The following ANKRD30BL variants were observed in gnomAD, a reference collection of about 807,000 sequenced individuals.
ANKRD30BL encodes ankyrin repeat domain 30B like, also known as putative ankyrin repeat domain-containing protein 30B-like.
In ANKRD30BL, 20 loss-of-function variants were observed where a neutral mutation model predicts 18.4. That is an observed-to-expected ratio of 1.09 (90% CI 0.77 to 1.58). ANKRD30BL has a LOEUF of 1.58. Among genes scored for constraint, ANKRD30BL ranks in the 40% most tolerant of loss-of-function variants. ANKRD30BL has a pLI of 0.00. For synonymous variants in ANKRD30BL, 72 were observed against 100.9 expected, an observed-to-expected ratio of 0.71 and a Z score of 1.72; for missense variants, 224 against 268.6, an observed-to-expected ratio of 0.83 and a Z score of 1.16.
Position 132,195,863 on chromosome 2 carries a change from C to T in ANKRD30BL, n.442-38717G>A, listed in dbSNP as rs563674493. 2.1e-3 allele frequency among the ~76,000 whole-genome samples: 316 copies of T among 150,146 alleles called. 1 individual carries two copies. The highest frequency in any genetic ancestry group is 7.2e-3 in the African/African-American group (295 of 41,018). ...AAGACTTAAAAATAAAAACAGACGT[C>T]GAGTGTGGTGGCTCACTCCTGTAAT... On this transcript the variant is annotated intron_variant and non_coding_transcript_variant, in intron 1 of 4. Coordinates refer to the ANKRD30BL transcript ENST00000470729.
At chr2:132,209,112 C>A (rs376677837) in intron 1 of ANKRD30BL, among the ~76,000 whole-genome samples, 1 of 152,022 alleles carries the variant, frequency 6.6e-6, no homozygotes, top group South Asian at 2.1e-4. Flanking sequence ...TTGAAACACT[C>A]TTTTTGTAGA....
At chr2:132,221,197 G>T (rs573932568) in intron 1 of ANKRD30BL, among the ~76,000 whole-genome samples, 12 of 145,684 alleles carry the variant, frequency 8.2e-5, no homozygotes, top group Non-Finnish European at 1.6e-4. Flanking sequence ...AGGTGGGGGG[G>T]GGTCAGCCCC....
intron 1 of ANKRD30BL, among the ~76,000 whole-genome samples, chr2:132,234,622 C>G (rs1300090895): frequency 1.3e-5 from 2 of 152,096 alleles, no homozygotes; most frequent in Non-Finnish European, 2.9e-5. Flanking sequence ...ATACACTCTC[C>G]CAAGACTAAA....
chr2:132,238,821 A>G (rs1573878377), intron 1 of ANKRD30BL, among the ~76,000 whole-genome samples: 1 of 152,134 alleles, frequency 6.6e-6, no homozygotes, highest in Non-Finnish European at 1.5e-5. Context: ...GCATTCTCAG[A>G]AATTTCTTTG....
At chr2:132,221,516 T>G (rs1438670656) in intron 1 of ANKRD30BL, among the ~76,000 whole-genome samples, 1 of 100,350 alleles carries the variant, frequency 1.0e-5, no homozygotes, top group East Asian at 3.5e-4. Flanking sequence ...CCCCTCTGCC[T>G]GGCCAGCCAC....
chr2:132,195,651 C>T (rs1678948171), intron 1 of ANKRD30BL, among the ~76,000 whole-genome samples: 2 of 151,310 alleles, frequency 1.3e-5, no homozygotes, highest in African/African-American at 4.9e-5. Flanking sequence ...ATTAGCAGGG[C>T]ACGGTGGTGG....
intron 1 of ANKRD30BL, among the ~76,000 whole-genome samples, chr2:132,250,411 C>T (rs1680619846): frequency 6.6e-6 from 1 of 152,182 alleles, no homozygotes; most frequent in Non-Finnish European, 1.5e-5. Flanking sequence ...CCAAAGTGCT[C>T]ATAATTAGTT....
chr2:132,181,334 C>CGTG (rs1688457238), intron 1 of ANKRD30BL, among the ~76,000 whole-genome samples: 1 of 151,452 alleles, frequency 6.6e-6, no homozygotes, highest in Non-Finnish European at 1.5e-5. Context: ...ATTGGCTGGG[C>CGTG]GTGGTGGTGG....
intron 1 of ANKRD30BL, among the ~76,000 whole-genome samples, chr2:132,247,325 A>C (rs552931631): frequency 6.6e-6 from 1 of 152,040 alleles, no homozygotes; most frequent in East Asian, 1.9e-4. Context: ...ATATCTTCAC[A>C]TAAAAACTAG....
Position 132,157,294 on chromosome 2 carries a change from C to T in ANKRD30BL, c.333+15G>A. 1 of 794,506 alleles carries T rather than the reference C, an allele frequency of 1.3e-6. No individual in the cohort carries two copies. Among genetic ancestry groups the T allele is most frequent in the Non-Finnish European group, 2.2e-6 (1 of 462,982 alleles). The allele number at this position is 794,506 out of a possible 1,614,324, so 49.2% of individuals were successfully genotyped here. A position where few individuals can be genotyped will look rare whatever the true frequency, so the allele number is the denominator to read the frequency against. ...CCAAATCCATCTCCTGCTGAAAGAACTGGCTACCATTTACCTTCATCAGAA... is the reference window on the plus strand; with the variant it reads ...CCAAATCCATCTCCTGCTGAAAGAATTGGCTACCATTTACCTTCATCAGAA... On this transcript the variant is annotated intron_variant, in intron 2 of 5. Transcript: ENST00000409867.
At chr2:132,152,550 AG>A (rs1395911457) in intron 4 of ANKRD30BL, 1 of 152,168 alleles carries the variant, frequency 6.6e-6, no homozygotes, top group Non-Finnish European at 1.5e-5. Context: ...GAATCACTTG[AG>A]GGGACAACCA....
chr2:132,224,964 T>C (rs1025680994), intron 1 of ANKRD30BL, among the ~76,000 whole-genome samples: 2 of 152,036 alleles, frequency 1.3e-5, no homozygotes, highest in African/African-American at 4.8e-5. Flanking sequence ...AGGCCTATGG[T>C]GGAAAAGGAA....
At chr2:132,250,157 C>T (rs62164971) in intron 1 of ANKRD30BL, among the ~76,000 whole-genome samples, 2 of 150,960 alleles carry the variant, frequency 1.3e-5, no homozygotes, top group African/African-American at 4.9e-5. Flanking sequence ...TTATGTGAAG[C>T]TATTTCCTTT....
At chr2:132,217,474 T>C (rs917770337) in intron 1 of ANKRD30BL, among the ~76,000 whole-genome samples, 3 of 152,092 alleles carry the variant, frequency 2.0e-5, no homozygotes, top group Admixed American at 6.6e-5. Context: ...AGAAACTTCT[T>C]TGTGATGTTC....
chr2:132,169,633 G>A (rs898289120), intron 1 of ANKRD30BL, among the ~76,000 whole-genome samples: 1 of 124,570 alleles, frequency 8.0e-6, no homozygotes, highest in Non-Finnish European at 1.6e-5. Context: ...GTGACACAGG[G>A]ATACTCTGTC....
chr2:132,241,216 G>C (rs1268476302), intron 1 of ANKRD30BL, among the ~76,000 whole-genome samples: 1 of 151,802 alleles, frequency 6.6e-6, no homozygotes, highest in Admixed American at 6.6e-5. Flanking sequence ...AAACTTCTTT[G>C]TGATGTGTGT....
At chr2:132,164,873 C>T (rs1688157539), upstream of ANKRD30BL, among the ~76,000 whole-genome samples, 1 of 151,926 alleles carries the variant, frequency 6.6e-6, no homozygotes, top group African/African-American at 2.4e-5. Context: ...AGATGGGGAC[C>T]ATCCTGGCTA....
At chr2:132,184,003 C>A (rs1392395123) in intron 1 of ANKRD30BL, among the ~76,000 whole-genome samples, 2 of 151,956 alleles carry the variant, frequency 1.3e-5, no homozygotes, top group Non-Finnish European at 2.9e-5. Context: ...ATAGGCCAAG[C>A]CCAACTAACC....
At chr2:132,170,863 A>G (rs973836800) in intron 1 of ANKRD30BL, among the ~76,000 whole-genome samples, 1 of 152,208 alleles carries the variant, frequency 6.6e-6, no homozygotes, top group Non-Finnish European at 1.5e-5. Context: ...TTTGATTAAG[A>G]ATAACACTTG....
Sources: gnomAD v4.1 joint callset for allele counts (sites outside exome capture counted in the v4.1 genomes callset) on GRCh38, gnomAD v4.1.1 for gene constraint, MANE v1.5 for transcripts, NCBI Gene and HGNC (gene_info 2026-07-23, HGNC 2026-07-21) for gene names.